Variants in PIKFYVE observed in about 807,000 individuals in gnomAD.
PIKFYVE encodes 1-phosphatidylinositol 3-phosphate 5-kinase.
In PIKFYVE, 122 loss-of-function variants were observed where a neutral mutation model predicts 257.9. That is an observed-to-expected ratio of 0.47 (90% CI 0.41 to 0.55). PIKFYVE has a LOEUF of 0.55. Among genes scored for constraint, PIKFYVE ranks in the 20% least tolerant of loss-of-function variants. The pLI, the probability that PIKFYVE is intolerant of heterozygous loss-of-function variation, is 0.00. For synonymous variants in PIKFYVE, 892 were observed against 868.9 expected, an observed-to-expected ratio of 1.03 and a Z score of -0.47; for missense variants, 2,160 against 2,536.6, an observed-to-expected ratio of 0.85 and a Z score of 3.19.
chr2:208,286,254 A>C (rs2363465), intron 6 of PIKFYVE, among the ~76,000 whole-genome samples: 5 of 152,058 alleles, frequency 3.3e-5, no homozygotes, highest in Non-Finnish European at 7.4e-5. Flanking sequence ...TGAGATTTTT[A>C]ATTTAATTAA....
chr2:208,293,153 T>C (rs903776984), intron 7 of PIKFYVE, among the ~76,000 whole-genome samples: 11 of 151,594 alleles, frequency 7.3e-5, no homozygotes, highest in Admixed American at 5.3e-4. Context: ...TACTTTCAAA[T>C]AATACTATAC....
At chr2:208,277,281 A>AT (rs1222118904) in intron 4 of PIKFYVE, among the ~76,000 whole-genome samples, 5 of 151,770 alleles carry the variant, frequency 3.3e-5, no homozygotes, top group Non-Finnish European at 7.4e-5. Flanking sequence ...CCATACCTTT[A>AT]TTTTTTTCTA....
Position 208,351,456 on chromosome 2 carries a change from G to A in PIKFYVE, c.5715+1G>A. On this transcript the variant is annotated splice_donor_variant, in intron 38 of 41. Transcript: ENST00000264380. LOFTEE classifies it high-confidence loss of function. ...TATTACAAATGCTGTTCAACAAAAG[G>A]TAGAAATCTAAAACCATGGTCTGTA... 3 of 1,601,166 alleles carry A rather than the reference G, an allele frequency of 1.9e-6. No individual in the cohort carries two copies. The highest frequency in any genetic ancestry group is 1.7e-6 in the Non-Finnish European group (2 of 1,168,218).
intron 16 of PIKFYVE, among the ~76,000 whole-genome samples, chr2:208,318,305 G>C (rs1286367915): frequency 6.6e-6 from 1 of 152,126 alleles, no homozygotes; most frequent in East Asian, 1.9e-4. Flanking sequence ...AAAACTGATA[G>C]CTCTTCTAGT....
intron 3 of PIKFYVE, 136 bp from the exon 4 acceptor site, chr2:208,276,576 T>C: frequency 1.3e-6 from 1 of 754,294 alleles, no homozygotes; most frequent in Non-Finnish European, 2.5e-6. Flanking sequence ...TTGTTTTAAC[T>C]CTCAATTCAT....
In PIKFYVE at chr2:208,337,641, A is replaced by G. The variant is rs550609876; in HGVS notation, c.4611+713A>G. ...TATACCTAGATGCTTAATTCCAGGA[A>G]GCGAGCTACTATTTAGAATGCAATT... On this transcript the variant is annotated intron_variant, in intron 28 of 41. Transcript: ENST00000264380. Among the ~76,000 whole-genome samples, 3 of 152,226 alleles carry G rather than the reference A, an allele frequency of 2.0e-5. No individual in the cohort carries two copies. The South Asian group carries it at 6.2e-4, about 32-fold the overall frequency.
rs775392952 is a variant in PIKFYVE, at chr2:208,304,160, C to T, written c.1321-11C>T. On this transcript the variant is annotated splice_polypyrimidine_tract_variant and intron_variant, in intron 10 of 41. Transcript: ENST00000264380. ...AGGCCAATTGCTTGGATCCTGTCTT[C>T]ATCCTTTCAGAGTACAGAATTTTCT... 1 of 1,614,000 alleles carries T rather than the reference C, an allele frequency of 6.2e-7. No homozygotes were observed. The highest frequency in any genetic ancestry group is 8.5e-7 in the Non-Finnish European group (1 of 1,179,908).
At chr2:208,340,917 T>C (rs1242263667) in intron 31 of PIKFYVE, among the ~76,000 whole-genome samples, 2 of 152,176 alleles carry the variant, frequency 1.3e-5, no homozygotes, top group Non-Finnish European at 2.9e-5. Flanking sequence ...TTTTCTCTAC[T>C]TTAGACCTGA....
chr2:208,306,637 C>T (rs1487145430), intron 12 of PIKFYVE, among the ~76,000 whole-genome samples: 4 of 152,106 alleles, frequency 2.6e-5, no homozygotes, highest in Admixed American at 2.0e-4. Context: ...TGAGAACATT[C>T]GGAGTGGAAT....
chr2:208,300,171 A>C (rs1337957142), intron 8 of PIKFYVE, among the ~76,000 whole-genome samples: 1 of 152,242 alleles, frequency 6.6e-6, no homozygotes, highest in Non-Finnish European at 1.5e-5. Context: ...ATTCAAAAAA[A>C]CAGAAAGCTC....
intron 21 of PIKFYVE, among the ~76,000 whole-genome samples, chr2:208,328,639 G>A (rs1452909068): frequency 6.6e-6 from 1 of 152,066 alleles, no homozygotes; most frequent in African/African-American, 2.4e-5. Context: ...CTTGGGGATG[G>A]GACCCAAGTC....
chr2:208,293,215 C>T (rs1474349021), intron 7 of PIKFYVE, among the ~76,000 whole-genome samples: 1 of 152,022 alleles, frequency 6.6e-6, no homozygotes, highest in East Asian at 1.9e-4. Flanking sequence ...CAATTTTTCC[C>T]TCCCATCTGT....
intron 10 of PIKFYVE, 78 bp from the exon 11 acceptor site, chr2:208,304,093 A>T (rs543741578): frequency 2.5e-5 from 38 of 1,507,664 alleles, no homozygotes; most frequent in Non-Finnish European, 3.4e-5. Flanking sequence ...ATTGGACTAC[A>T]ATTTATTTAT....
intron 31 of PIKFYVE, among the ~76,000 whole-genome samples, chr2:208,341,748 C>T (rs2125725664): frequency 6.6e-6 from 1 of 152,212 alleles, no homozygotes; most frequent in Non-Finnish European, 1.5e-5. Context: ...ACTCTCATGA[C>T]CTAAATTACC....
At chr2:208,335,589 A>T (rs768938597) in intron 25 of PIKFYVE, among the ~76,000 whole-genome samples, 170 bp downstream of exon 25, 1 of 152,110 alleles carries the variant, frequency 6.6e-6, no homozygotes, top group Non-Finnish European at 1.5e-5. Flanking sequence ...ATAAAAAAGA[A>T]GCCAAACTCT....
At position 208,325,710 on chromosome 2, in the gene PIKFYVE, C is replaced by T. The variant is rs61755423; in HGVS notation, c.2899C>T (p.Leu967Phe). 20 of 1,613,168 alleles carry T rather than the reference C, an allele frequency of 1.2e-5. No homozygotes were observed. In the African/African-American group the frequency reaches 2.7e-4, roughly 22 times the overall value. ...TAGCACAACAGCTTGCCCGGCGGGTCTCCCTTGTGCTTTCTTTGCACCTGT... is the reference window on the plus strand; with the variant it reads ...TAGCACAACAGCTTGCCCGGCGGGTTTCCCTTGTGCTTTCTTTGCACCTGT... ...EHSTTACPAG[L>F]PCAFFAPVPE... Residue 967 changes from leucine to phenylalanine, a missense_variant, in exon 20 of 42, where the codon CTC becomes TTC. Leu to Phe is a conservative substitution (Grantham distance 22, BLOSUM62 0). Transcript: ENST00000264380.
chr2:208,330,826 AT>A, intron 23 of PIKFYVE, 132 bp downstream of exon 23: 4 of 906,458 alleles, frequency 4.4e-6, no homozygotes, highest in Non-Finnish European at 6.6e-6. Context: ...TGTCATTGTT[AT>A]TTTACCTTCC....
chr2:208,320,172 ATAGATT>A (rs2125523395), intron 16 of PIKFYVE, 74 bp from the exon 17 acceptor site: 1 of 1,522,562 alleles, frequency 6.6e-7, no homozygotes. Context: ...TATGAACAAT[ATAGATT>A]TAAAGTTATA....
intron 17 of PIKFYVE, 54 bp downstream of exon 17, chr2:208,320,413 T>G: frequency 1.3e-6 from 2 of 1,594,146 alleles, no homozygotes; most frequent in Non-Finnish European, 1.7e-6. Flanking sequence ...TGTACCATGA[T>G]GCTTATAAAC....
Sources: allele counts gnomAD v4.1 joint callset (sites outside exome capture counted in the v4.1 genomes callset), GRCh38; gene constraint gnomAD v4.1.1; transcripts MANE v1.5; gene names NCBI Gene and HGNC (gene_info 2026-07-23, HGNC 2026-07-21).